The following CAPN13 variants were observed in gnomAD, a reference collection of about 807,000 sequenced individuals.
CAPN13 encodes calpain-13.
A neutral mutation model predicts 98.4 loss-of-function variants in CAPN13; 90 were observed. The observed-to-expected ratio is 0.92, with a 90% CI of 0.77 to 1.09. The LOEUF is 1.09. CAPN13 is among the 50% of genes least tolerant of loss of function. The pLI, the probability that CAPN13 is intolerant of heterozygous loss-of-function variation, is 0.00. For missense variants in CAPN13, 887 were observed against 841.3 expected (o/e 1.05, Z -0.67); for synonymous variants, 330 against 305.5 (o/e 1.08, Z -0.84).
chr2:30,755,513 C>T (rs1192510487), intron 8 of CAPN13, among the ~76,000 whole-genome samples: 1 of 152,066 alleles, frequency 6.6e-6, no homozygotes, highest in African/African-American at 2.4e-5. Flanking sequence ...TTCGTTGGAA[C>T]GATGTGTTCC....
intron 10 of CAPN13, among the ~76,000 whole-genome samples, chr2:30,752,146 G>T (rs1357677533): frequency 6.6e-6 from 1 of 152,194 alleles, no homozygotes; most frequent in Non-Finnish European, 1.5e-5. Flanking sequence ...TCTCTGGGCA[G>T]AAGTTCTGTA....
chr2:30,750,746 A>G (rs181273065), intron 11 of CAPN13, among the ~76,000 whole-genome samples: 25 of 152,306 alleles, frequency 1.6e-4, no homozygotes, highest in Admixed American at 1.6e-3. Flanking sequence ...TCTGTCCTTA[A>G]ACATTCTGAT....
chr2:30,779,310 C>A (rs578024558), intron 2 of CAPN13, among the ~76,000 whole-genome samples: 7 of 152,330 alleles, frequency 4.6e-5, no homozygotes, highest in Non-Finnish European at 7.3e-5. Flanking sequence ...AGACCTTGAA[C>A]AATTCCCGTT....
At chr2:30,787,105 A>G (rs769672653) in intron 2 of CAPN13, 23 bp downstream of exon 2, 5 of 1,523,220 alleles carry the variant, frequency 3.3e-6, no homozygotes, top group East Asian at 2.5e-5. Flanking sequence ...GGAGCTGGGT[A>G]TGCTCGTGTG....
chr2:30,757,045 C>T (rs988467294), intron 8 of CAPN13, among the ~76,000 whole-genome samples: 3 of 152,204 alleles, frequency 2.0e-5, no homozygotes, highest in Non-Finnish European at 4.4e-5. Context: ...CCAGAAAGCA[C>T]CGTCCTCACT....
chr2:30,752,730 G>A (rs1371820357), intron 10 of CAPN13, among the ~76,000 whole-genome samples: 2 of 152,224 alleles, frequency 1.3e-5, no homozygotes, highest in African/African-American at 4.8e-5. Context: ...TCTTTCTGCA[G>A]CGCTCTCCCT....
chr2:30,756,134 C>T (rs1672432182), intron 8 of CAPN13, among the ~76,000 whole-genome samples: 1 of 152,000 alleles, frequency 6.6e-6, no homozygotes, highest in Non-Finnish European at 1.5e-5. Flanking sequence ...CCCTGCTCTG[C>T]AAACATCACG....
intron 1 of CAPN13, among the ~76,000 whole-genome samples, chr2:30,795,237 C>T (rs376078986): frequency 2.0e-5 from 3 of 151,968 alleles, no homozygotes; most frequent in Admixed American, 6.6e-5. Context: ...TGTTATTGTA[C>T]GTATCTCCTG....
At chr2:30,799,978 G>A (rs1675100615) in intron 1 of CAPN13, among the ~76,000 whole-genome samples, 1 of 152,012 alleles carries the variant, frequency 6.6e-6, no homozygotes, top group Admixed American at 6.6e-5. Flanking sequence ...GGAGACTGAG[G>A]CAGGAGAATG....
At chr2:30,738,945 G>A (rs1484414768) in intron 15 of CAPN13, among the ~76,000 whole-genome samples, 2 of 152,096 alleles carry the variant, frequency 1.3e-5, no homozygotes, top group Non-Finnish European at 2.9e-5. Context: ...AGAAATGTGG[G>A]CTAAGAGAAA....
At chr2:30,723,902 A>C (rs1279313111) in intron 22 of CAPN13, among the ~76,000 whole-genome samples, 1 of 152,168 alleles carries the variant, frequency 6.6e-6, no homozygotes. Context: ...GAAAATTCAA[A>C]GAGTACTACA....
At chr2:30,777,434 G>A (rs777375013) in intron 3 of CAPN13, 133 bp downstream of exon 3, 11 of 736,858 alleles carry the variant, frequency 1.5e-5, no homozygotes, top group East Asian at 5.4e-5. Flanking sequence ...AGGACTGGGC[G>A]TGAGCAGTTT....
intron 7 of CAPN13, among the ~76,000 whole-genome samples, chr2:30,759,957 C>T (rs776586310): frequency 1.1e-4 from 16 of 152,198 alleles, no homozygotes; most frequent in African/African-American, 2.7e-4. Flanking sequence ...TTGCCTGCCC[C>T]GCTCCCTGGC....
At chr2:30,791,943 C>T (rs1387738004) in intron 1 of CAPN13, among the ~76,000 whole-genome samples, 10 of 152,186 alleles carry the variant, frequency 6.6e-5, no homozygotes, top group Non-Finnish European at 7.3e-5. Context: ...ACCTAAATTA[C>T]ATCTGCCCAG....
chr2:30,759,404 C>CCCGGGAG (rs1259310051), intron 7 of CAPN13, among the ~76,000 whole-genome samples: 1 of 152,166 alleles, frequency 6.6e-6, no homozygotes, highest in Non-Finnish European at 1.5e-5. Flanking sequence ...AATCTGCATC[C>CCCGGGAG]CCGGGAGCCG....
rs545827474 is a variant in CAPN13 at position 30,805,516 on chromosome 2, C to T, written c.-33+1786G>A. Reference sequence around the variant, plus strand: ...ATGTCAACAATAATGACTAAAATATCTTCAGCACTTGCCATGTGCTCAAGT... The same window carrying T: ...ATGTCAACAATAATGACTAAAATATTTTCAGCACTTGCCATGTGCTCAAGT... On this transcript the variant is annotated intron_variant, in intron 1 of 22. Transcript: ENST00000295055. 2.0e-5 allele frequency among the ~76,000 whole-genome samples: 3 copies of T among 152,252 alleles called. No homozygotes were observed. In the South Asian group the frequency reaches 6.2e-4, roughly 32 times the overall value.
At chr2:30,745,249 C>T (rs1457184586) in intron 12 of CAPN13, 1 of 473,048 alleles carries the variant, frequency 2.1e-6, no homozygotes, top group South Asian at 1.5e-5. Context: ...TTTCACCAAT[C>T]CTGAGCCAGA....
Position 30,732,424 on chromosome 2 carries a change from T to C in CAPN13, c.1927+14A>G, listed in dbSNP as rs752547830. 16 of 1,612,950 alleles carry C rather than the reference T, an allele frequency of 9.9e-6. No homozygotes were observed. Among genetic ancestry groups the C allele is most frequent in the East Asian group, 2.2e-5 (1 of 44,884 alleles). On this transcript the variant is annotated intron_variant, in intron 20 of 22. Coordinates refer to ENST00000295055, the MANE Select transcript of CAPN13 (RefSeq NM_144575.3). ...ACTGCCAAGGTCTCTGGGATGCCCC[T>C]TGGGGACACTTACTTGCCATGGCTT...
intron 7 of CAPN13, among the ~76,000 whole-genome samples, chr2:30,762,218 C>T (rs1283734745): frequency 6.6e-6 from 1 of 152,218 alleles, no homozygotes; most frequent in Non-Finnish European, 1.5e-5. Context: ...CAGGTCTCAG[C>T]TTCTTCCTTT....
Sources: allele counts gnomAD v4.1 joint callset (sites outside exome capture counted in the v4.1 genomes callset), GRCh38; gene constraint gnomAD v4.1.1; transcripts MANE v1.5; gene names NCBI Gene and HGNC (gene_info 2026-07-23, HGNC 2026-07-21).